NEURL1: variants seen among roughly 807,000 people sequenced by gnomAD.
NEURL1 encodes the protein neuralized E3 ubiquitin protein ligase 1, also known as E3 ubiquitin-protein ligase NEURL1.
A neutral mutation model predicts 41.2 loss-of-function variants in NEURL1; 26 were observed. The observed-to-expected ratio is 0.63, with a 90% CI of 0.46 to 0.87. The LOEUF (loss-of-function observed/expected upper bound fraction) is 0.87. NEURL1 is among the 40% of genes least tolerant of loss of function. The probability of loss-of-function intolerance (pLI) is 0.00; values close to 1 mark genes in which losing one functional copy is unlikely to be tolerated. For missense variants in NEURL1, 761 were observed against 871.1 expected (o/e 0.87, Z 1.59); for synonymous variants, 400 against 402.3 (o/e 0.99, Z 0.07).
At chr10:103,588,399 G>T (rs1181815105) in intron 4 of NEURL1, among the ~76,000 whole-genome samples, 5 of 152,128 alleles carry the variant, frequency 3.3e-5, no homozygotes, top group African/African-American at 4.8e-5. Flanking sequence ...CTTTGTGGTT[G>T]TGTAGTTGTA....
intron 4 of NEURL1, among the ~76,000 whole-genome samples, chr10:103,587,398 A>G (rs571208169): frequency 8.6e-4 from 131 of 152,350 alleles, no homozygotes; most frequent in African/African-American, 3.1e-3. Flanking sequence ...AGGATAGGCC[A>G]AGGTGGGTGT....
chr10:103,575,463 A>G (rs2035641186), intron 3 of NEURL1, among the ~76,000 whole-genome samples: 1 of 152,078 alleles, frequency 6.6e-6, no homozygotes, highest in Admixed American at 6.5e-5. Context: ...AAGCCCTCCC[A>G]ATCTTACCTG....
At chr10:103,505,516 C>T (rs2033926819) in intron 1 of NEURL1, among the ~76,000 whole-genome samples, 1 of 152,184 alleles carries the variant, frequency 6.6e-6, no homozygotes, top group Non-Finnish European at 1.5e-5. Flanking sequence ...TCAGCCATTG[C>T]TCTCAGCCCT....
intron 1 of NEURL1, among the ~76,000 whole-genome samples, chr10:103,526,142 T>A (rs981721772): frequency 6.6e-6 from 1 of 152,200 alleles, no homozygotes; most frequent in Admixed American, 6.5e-5. Flanking sequence ...TTGACCAGTA[T>A]TTTGTTGAGG....
At chr10:103,511,352 A>G (rs2034068036) in intron 1 of NEURL1, among the ~76,000 whole-genome samples, 1 of 152,182 alleles carries the variant, frequency 6.6e-6, no homozygotes, top group Admixed American at 6.5e-5. Context: ...TGGGGGTCCC[A>G]CTGGGCTATG....
intron 1 of NEURL1, among the ~76,000 whole-genome samples, chr10:103,530,803 A>G (rs1229321188): frequency 8.6e-6 from 1 of 116,462 alleles, no homozygotes; most frequent in African/African-American, 3.8e-5. Context: ...AGCCTCCCAA[A>G]GTTCTGGGAT....
intron 1 of NEURL1, among the ~76,000 whole-genome samples, chr10:103,530,711 T>C (rs2034552372): frequency 6.6e-6 from 1 of 152,042 alleles, no homozygotes; most frequent in South Asian, 2.1e-4. Flanking sequence ...CAGCTAATTT[T>C]TGTGTTATTA....
chr10:103,494,437 G>A lies in NEURL1; in HGVS notation c.50G>A (p.Ser17Asn). 10 of 1,597,904 alleles carry A rather than the reference G, an allele frequency of 6.3e-6. No individual in the cohort carries two copies. The highest frequency in any genetic ancestry group is 8.5e-6 in the Non-Finnish European group (10 of 1,172,698). The change falls in exon 1 of 6, where the codon AGC becomes AAC. Residue 17 changes from serine (S) to asparagine (N), a missense_variant. By Grantham distance (46) the Ser-to-Asn change is conservative (BLOSUM62 1). Transcript: ENST00000369780. Reference protein sequence around the residue: ...SIPSLPRGNPSRAPRGHPQNL... With the variant: ...SIPSLPRGNPNRAPRGHPQNL... ...CCCTCGCTGCCCCGAGGAAACCCGA[G>A]CCGCGCGCCGCGGGGCCACCCCCAG...
chr10:103,515,243 A>G (rs1458980387), intron 1 of NEURL1: 1 of 82,906 alleles, frequency 1.2e-5, no homozygotes, highest in African/African-American at 3.4e-5. Flanking sequence ...AAAAAAAAAA[A>G]AAAAAAAAAA....
At chr10:103,524,632 G>T (rs1178927728) in intron 1 of NEURL1, among the ~76,000 whole-genome samples, 3 of 152,158 alleles carry the variant, frequency 2.0e-5, no homozygotes, top group Non-Finnish European at 4.4e-5. Context: ...TATGGTGAGA[G>T]ATACGGCTCT....
intron 1 of NEURL1, among the ~76,000 whole-genome samples, chr10:103,510,426 A>C (rs1474134995): frequency 1.3e-5 from 2 of 152,172 alleles, no homozygotes; most frequent in Admixed American, 6.5e-5. Flanking sequence ...ACGTGTGCTG[A>C]GCGGCCCCTG....
chr10:103,542,801 G>A (rs753245575), intron 1 of NEURL1, among the ~76,000 whole-genome samples: 1 of 152,276 alleles, frequency 6.6e-6, no homozygotes, highest in South Asian at 2.1e-4. Flanking sequence ...GAAACAGTTC[G>A]TGAGTGCTCG....
chr10:103,506,107 C>T (rs563275758), intron 1 of NEURL1, among the ~76,000 whole-genome samples: 52 of 152,264 alleles, frequency 3.4e-4, no homozygotes, highest in Middle Eastern at 6.8e-3. Context: ...GGGGTAAGGA[C>T]GGAAAAGGGA....
chr10:103,532,601 G>T (rs2034594453), intron 1 of NEURL1, among the ~76,000 whole-genome samples: 1 of 152,112 alleles, frequency 6.6e-6, no homozygotes, highest in African/African-American at 2.4e-5. Context: ...TTCTCTACTG[G>T]CCTGTAAGGA....
intron 1 of NEURL1, among the ~76,000 whole-genome samples, chr10:103,535,795 C>T (rs1304103068): frequency 6.6e-6 from 1 of 152,116 alleles, no homozygotes; most frequent in Non-Finnish European, 1.5e-5. Flanking sequence ...GGCAGCTTGG[C>T]TTGGGGATGT....
intron 1 of NEURL1, 177 bp downstream of exon 1, chr10:103,494,649 G>A: frequency 1.7e-6 from 1 of 595,406 alleles, no homozygotes; most frequent in Admixed American, 3.2e-5. Flanking sequence ...GGTGATGGAG[G>A]ATGGCGTCCC....
chr10:103,497,674 G>A (rs1324473928), intron 1 of NEURL1, among the ~76,000 whole-genome samples: 1 of 152,182 alleles, frequency 6.6e-6, no homozygotes, highest in African/African-American at 2.4e-5. Flanking sequence ...GTTCTGAACA[G>A]CGTTGGTCTA....
chr10:103,532,522 T>G (rs2034593046), intron 1 of NEURL1, among the ~76,000 whole-genome samples: 1 of 152,230 alleles, frequency 6.6e-6, no homozygotes, highest in South Asian at 2.1e-4. Context: ...TTCTGAAGGA[T>G]AGCTTTGCTG....
intron 1 of NEURL1, among the ~76,000 whole-genome samples, chr10:103,568,987 G>A (rs1217924294): frequency 6.6e-6 from 1 of 152,104 alleles, no homozygotes; most frequent in Non-Finnish European, 1.5e-5. Flanking sequence ...GCTAATTTTT[G>A]TATTTTTAGT....
Sources: allele counts gnomAD v4.1 joint callset (sites outside exome capture counted in the v4.1 genomes callset), GRCh38; gene constraint gnomAD v4.1.1; transcripts MANE v1.5; gene names NCBI Gene and HGNC (gene_info 2026-07-23, HGNC 2026-07-21).